Variants in DGAT2 observed in about 807,000 individuals in gnomAD.
The protein encoded by DGAT2 is diacylglycerol O-acyltransferase 2, also known as acyl-CoA retinol O-fatty-acyltransferase.
A neutral mutation model predicts 48.4 loss-of-function variants in DGAT2; 33 were observed. That is an observed-to-expected ratio of 0.68 (90% confidence interval 0.52 to 0.91). DGAT2 has a LOEUF of 0.91. DGAT2 is among the 40% of genes least tolerant of loss of function. The pLI is 0.00. For synonymous variants in DGAT2, 191 were observed against 194.1 expected (o/e 0.98, Z 0.13); for missense variants, 446 against 493.7 (o/e 0.90, Z 0.92).
chr11:75,779,012 G>GC (rs1434805313), intron 1 of DGAT2, among the ~76,000 whole-genome samples: 1 of 152,170 alleles, frequency 6.6e-6, no homozygotes, highest in Admixed American at 6.5e-5. Context: ...GGGGGTTGGG[G>GC]CTCAGACACT....
chr11:75,790,722 T>C lies in DGAT2; in HGVS notation c.420T>C (p.Phe140=). ...TGTGGCGCTACTTTCGAGACTACTT[T>C]CCCATCCAGGTAAAGTGCTGTGAGT... The part of the protein sequence containing the change: ...WAVWRYFRDY[F]PIQLVKTHNL... Residue 140 remains phenylalanine, a synonymous_variant, in exon 4 of 8, where the codon TTT becomes TTC. Coordinates refer to ENST00000228027, the MANE Select transcript of DGAT2 (RefSeq NM_032564.5). The C allele has an allele frequency of 2.5e-6, 4 of 1,614,182 alleles. No homozygotes were observed. Among genetic ancestry groups the C allele is most frequent in the Non-Finnish European group, 3.4e-6 (4 of 1,180,026 alleles).
At chr11:75,787,387 C>T (rs1805381884) in intron 2 of DGAT2, among the ~76,000 whole-genome samples, 3 of 152,228 alleles carry the variant, frequency 2.0e-5, no homozygotes, top group Admixed American at 6.5e-5. Context: ...TCTCAGAGTC[C>T]ATGCTCTTCA....
rs1945050107 is a variant in DGAT2 at position 75,796,223 on chromosome 11, T to C, written c.430-105T>C. On this transcript the variant is annotated intron_variant, in intron 4 of 7. Transcript: ENST00000228027. The stretch of plus-strand genomic sequence containing the variant: ...AGATTCATTGCAGCCCTCAGGCCCA[T>C]GGAGGTCCAGGGGAAATGACACATC... 4.2e-6 allele frequency: 4 copies of C among 954,086 alleles called. No homozygotes were observed. The African/African-American group carries it at 4.8e-5, about 12-fold the overall frequency. The allele number at this position is 954,086 out of a possible 1,614,324, so 59.1% of individuals were successfully genotyped here. A position where few individuals can be genotyped will look rare whatever the true frequency, so the allele number is the denominator to read the frequency against.
At chr11:75,784,981 C>G (rs887705362) in intron 2 of DGAT2, among the ~76,000 whole-genome samples, 1 of 152,158 alleles carries the variant, frequency 6.6e-6, no homozygotes, top group Non-Finnish European at 1.5e-5. Flanking sequence ...TTCCCATTTA[C>G]AGATGGGAAA....
chr11:75,774,509 T>C (rs1160282802), intron 1 of DGAT2, among the ~76,000 whole-genome samples: 2 of 152,182 alleles, frequency 1.3e-5, no homozygotes, highest in Non-Finnish European at 2.9e-5. Context: ...CATGTGACCT[T>C]GGGTATAACA....
intron 1 of DGAT2, among the ~76,000 whole-genome samples, chr11:75,781,794 C>T (rs369384280): frequency 1.3e-5 from 2 of 152,174 alleles, no homozygotes; most frequent in African/African-American, 2.4e-5. Flanking sequence ...GGGAGACTCC[C>T]GCAGGCCCTC....
chr11:75,779,960 C>A (rs1944842559), intron 1 of DGAT2, among the ~76,000 whole-genome samples: 1 of 152,222 alleles, frequency 6.6e-6, no homozygotes, highest in Admixed American at 6.5e-5. Context: ...CTCAGCTATG[C>A]AGTAAACCTC....
At chr11:75,797,056 G>T in intron 5 of DGAT2, 102 bp from the exon 6 acceptor site, 1 of 1,230,998 alleles carries the variant, frequency 8.1e-7, no homozygotes, top group East Asian at 2.7e-5. Flanking sequence ...TAGGTCTGGG[G>T]CCCAGGTCCA....
At chr11:75,798,474 T>C (rs892021657) in intron 7 of DGAT2, 45 bp downstream of exon 7, 1 of 1,598,574 alleles carries the variant, frequency 6.3e-7, no homozygotes, top group African/African-American at 1.3e-5. Flanking sequence ...GAACACAGGG[T>C]GCCATACAGC....
chr11:75,769,019 G>T lies in DGAT2; in HGVS notation c.28G>T (p.Gly10Trp), dbSNP rs1944728658. The T allele has an allele frequency of 1.3e-6, 2 of 1,574,716 alleles. No homozygotes were observed. Among genetic ancestry groups the T allele is most frequent in the Non-Finnish European group, 8.6e-7 (1 of 1,163,024 alleles). The change falls in exon 1 of 8, where the codon GGG (glycine) becomes TGG (tryptophan). Residue 10 changes from glycine (G) to tryptophan (W), a missense_variant. By Grantham distance (184) the Gly-to-Trp change is radical. Coordinates refer to ENST00000228027, the MANE Select transcript of DGAT2 (RefSeq NM_032564.5). ...GAAGACCCTCATAGCCGCCTACTCC[G>T]GGGTCCTGCGCGGCGAGCGTCAGGC... MKTLIAAYSGVLRGERQAEA... is the reference protein window; with the variant it reads MKTLIAAYSWVLRGERQAEA...
At chr11:75,786,432 C>T (rs531012757) in intron 2 of DGAT2, among the ~76,000 whole-genome samples, 7 of 152,162 alleles carry the variant, frequency 4.6e-5, no homozygotes, top group African/African-American at 1.2e-4. Flanking sequence ...TTCCCTGTTG[C>T]ACCCCAAAGC....
At chr11:75,797,380 C>T in intron 6 of DGAT2, 48 bp downstream of exon 6, 1 of 1,386,180 alleles carries the variant, frequency 7.2e-7, no homozygotes, top group Non-Finnish European at 9.4e-7. Context: ...GCCCCTCAGC[C>T]CAGGGCAGCA....
chr11:75,799,047 A>G (rs1381622757), intron 7 of DGAT2, among the ~76,000 whole-genome samples: 1 of 152,164 alleles, frequency 6.6e-6, no homozygotes, highest in African/African-American at 2.4e-5. Flanking sequence ...TACCTATTGT[A>G]GGTGTGTGTG....
rs987281816 is a variant in DGAT2 at position 75,790,591 on chromosome 11, G to T, written c.359-70G>T. ...TGGTCACCTGCTTGGGTTTCACACT[G>T]GCCCTGTCTTGTCTGCCTTGCCCAA... On this transcript the variant is annotated intron_variant, in intron 3 of 7. Coordinates refer to ENST00000228027, the MANE Select transcript of DGAT2 (RefSeq NM_032564.5). The T allele has an allele frequency of 3.5e-6, 5 of 1,437,502 alleles. No individual in the cohort carries two copies. In the East Asian group the frequency reaches 1.1e-4, roughly 33 times the overall value. 89.0% of individuals were successfully genotyped at this position (1,437,502 alleles called of 1,614,324 possible).
At position 75,798,541 on chromosome 11, in the gene DGAT2, C is replaced by T. The variant is rs1186053355; in HGVS notation, c.1012+112C>T. 2.1e-5 allele frequency: 25 copies of T among 1,218,892 alleles called. No individual in the cohort carries two copies. The East Asian group carries it at 6.3e-4, about 31-fold the overall frequency. The allele number at this position is 1,218,892 out of a possible 1,614,324, so 75.5% of individuals were successfully genotyped here. On this transcript the variant is annotated intron_variant, in intron 7 of 7. Transcript: ENST00000228027. ...GGCCACCTGGCTCTGATGGCCATGC[C>T]CTTAGCCATGAGGACTTTGAAGTGT...
At chr11:75,792,582 G>A (rs1699678431) in intron 4 of DGAT2, 1 of 152,052 alleles carries the variant, frequency 6.6e-6, no homozygotes, top group East Asian at 1.9e-4. Context: ...TTCCTGGTGG[G>A]ACTCTGGTCT....
chr11:75,788,895 A>G (rs1305492909), intron 2 of DGAT2, among the ~76,000 whole-genome samples: 1 of 152,238 alleles, frequency 6.6e-6, no homozygotes, highest in Non-Finnish European at 1.5e-5. Flanking sequence ...TGATATGTAG[A>G]TAGTATGATA....
rs750081688 is a variant in DGAT2, at chr11:75,790,250, C to T, written c.313C>T (p.Leu105Phe). The change falls in exon 3 of 8, where the codon CTC becomes TTC. Residue 105 changes from leucine (L) to phenylalanine (F), a missense_variant. By Grantham distance (22) the Leu-to-Phe change is conservative. Transcript: ENST00000228027. ...CACTGATTGCTGGCTCATCGCTGTG[C>T]TCTACTTCACTTGGCTGGTGTTTGA... is the stretch of plus-strand genomic sequence containing the variant. The part of the protein sequence containing the change: ...FCTDCWLIAV[L>F]YFTWLVFDWN... The T allele has an allele frequency of 7.3e-5, 118 of 1,614,080 alleles. No homozygotes were observed. Among genetic ancestry groups the T allele is most frequent in the Non-Finnish European group, 9.6e-5 (113 of 1,180,048 alleles).
intron 2 of DGAT2, among the ~76,000 whole-genome samples, chr11:75,785,555 A>G (rs1165759463): frequency 2.6e-5 from 4 of 152,216 alleles, no homozygotes; most frequent in Non-Finnish European, 4.4e-5. Context: ...CGAATGTCTG[A>G]GGGGAGGGAA....
Sources: gnomAD v4.1 joint callset for allele counts (sites outside exome capture counted in the v4.1 genomes callset) on GRCh38, gnomAD v4.1.1 for gene constraint, MANE v1.5 for transcripts, NCBI Gene and HGNC (gene_info 2026-07-23, HGNC 2026-07-21) for gene names.